UNC5B: variants seen among roughly 807,000 people sequenced by gnomAD.
UNC5B encodes the protein netrin receptor UNC5B.
A neutral mutation model predicts 103.7 loss-of-function variants in UNC5B; 56 were observed. That is an observed-to-expected ratio of 0.54 (90% CI 0.44 to 0.67). UNC5B has a LOEUF of 0.67. Ranked by LOEUF, UNC5B falls within the 30% of genes least tolerant of loss-of-function variation. The pLI, the probability that UNC5B is intolerant of heterozygous loss-of-function variation, is 0.00. For synonymous variants in UNC5B, 577 were observed against 542.0 expected (o/e 1.06, Z -0.90); for missense variants, 1,194 against 1,284.5 (o/e 0.93, Z 1.08).
intron 14 of UNC5B, 125 bp downstream of exon 14, chr10:71,296,085 GTC>G: frequency 7.3e-7 from 1 of 1,375,142 alleles, no homozygotes; most frequent in Non-Finnish European, 9.8e-7. Flanking sequence ...ATCTCTCACT[GTC>G]TCTGTCTCCT....
chr10:71,256,282 T>C (rs968512117), intron 1 of UNC5B, among the ~76,000 whole-genome samples: 1 of 152,118 alleles, frequency 6.6e-6, no homozygotes, highest in Non-Finnish European at 1.5e-5. Context: ...CTCCCAGCCC[T>C]GGCCCCAGCT....
chr10:71,293,555 C>T lies in UNC5B; in HGVS notation c.1923C>T (p.Ala641=). ...GGATCTTTCAGCTCAAGACCCAGGC[C>T]CACCAGGGCCACTGGGAGGTGAGGA... is the stretch of plus-strand genomic sequence containing the variant. ...RDWIFQLKTQ[A]HQGHWEEVVT... is the part of the protein sequence containing the mutation. The change falls in exon 12 of 17, where the codon GCC becomes GCT. Residue 641 remains alanine (A), a synonymous_variant. Transcript: ENST00000335350. 1 of 1,613,858 alleles carries T rather than the reference C, an allele frequency of 6.2e-7. No individual in the cohort carries two copies. The highest frequency in any genetic ancestry group is 8.5e-7 in the Non-Finnish European group (1 of 1,180,012).
At chr10:71,293,326 C>T (rs528320518) in intron 11 of UNC5B, 79 bp from the exon 12 acceptor site, 245 of 1,496,600 alleles carry the variant, frequency 1.6e-4, no homozygotes, top group Non-Finnish European at 2.1e-4. Flanking sequence ...GGGCCCTGGG[C>T]AGACTTGGGA....
At chr10:71,245,119 T>A (rs940763180) in intron 1 of UNC5B, among the ~76,000 whole-genome samples, 7 of 152,188 alleles carry the variant, frequency 4.6e-5, no homozygotes, top group African/African-American at 1.7e-4. Flanking sequence ...TCTGACCTCC[T>A]CTCCCCCAAC....
intron 15 of UNC5B, 139 bp from the exon 16 acceptor site, chr10:71,297,770 C>T (rs1845479273): frequency 6.2e-6 from 6 of 974,800 alleles, no homozygotes; most frequent in Admixed American, 2.8e-5. Flanking sequence ...GGGAGAAGCC[C>T]CTGCCTGAAC....
intron 1 of UNC5B, among the ~76,000 whole-genome samples, chr10:71,266,206 C>T (rs1368623629): frequency 6.6e-6 from 1 of 152,060 alleles, no homozygotes; most frequent in Non-Finnish European, 1.5e-5. Flanking sequence ...GAACCAGGCT[C>T]AGAGGCAGGG....
rs1344577915 is a variant in UNC5B at position 71,287,633 on chromosome 10, C to A, written c.769C>A (p.Pro257Thr). 3 of 1,611,158 alleles carry A rather than the reference C, an allele frequency of 1.9e-6. No individual in the cohort carries two copies. Among genetic ancestry groups the A allele is most frequent in the African/African-American group, 1.3e-5 (1 of 74,926 alleles). ...GGWSSWAEWS[P>T]CSNRCGRGWQ... ...CTGGTCCAGCTGGGCAGAGTGGTCA[C>A]CCTGCTCCAACCGCTGTGGCCGAGG... is the stretch of plus-strand genomic sequence containing the variant. The change falls in exon 6 of 17, where the codon CCC (proline) becomes ACC (threonine). Residue 257 changes from proline to threonine, a missense_variant. Coordinates refer to ENST00000335350, the MANE Select transcript of UNC5B (RefSeq NM_170744.5).
chr10:71,290,602 A>G (rs1321119913), intron 8 of UNC5B, among the ~76,000 whole-genome samples: 1 of 152,234 alleles, frequency 6.6e-6, no homozygotes, highest in Non-Finnish European at 1.5e-5. Flanking sequence ...ATGTAGCCCC[A>G]GTGACTCTGA....
rs551142023 is a variant in UNC5B at position 71,293,859 on chromosome 10, G to A, written c.2101G>A (p.Ala701Thr). 186 of 1,608,924 alleles carry A rather than the reference G, an allele frequency of 1.2e-4. No individual in the cohort carries two copies. In the South Asian group the frequency reaches 1.2e-3, roughly 10 times the overall value. The part of the protein sequence containing the change: ...AVKRLQLAVF[A>T]PALCTSLEYS... Reference sequence around the variant, plus strand: ...CAAGCGGCTCCAGCTGGCCGTCTTCGCCCCCGCCCTCTGCACCTCCCTGGA... The same window carrying A: ...CAAGCGGCTCCAGCTGGCCGTCTTCACCCCCGCCCTCTGCACCTCCCTGGA... The change falls in exon 13 of 17, where the codon GCC becomes ACC. Residue 701 changes from alanine (A) to threonine (T), a missense_variant. Physicochemically the swap from Ala to Thr is moderately conservative, Grantham distance 58. Coordinates refer to ENST00000335350, the MANE Select transcript of UNC5B (RefSeq NM_170744.5).
At chr10:71,261,399 T>G (rs1310168611) in intron 1 of UNC5B, among the ~76,000 whole-genome samples, 1 of 152,152 alleles carries the variant, frequency 6.6e-6, no homozygotes, top group Non-Finnish European at 1.5e-5. Flanking sequence ...TAGACTAGAT[T>G]GACTCTATAG....
chr10:71,216,822 G>A (rs752040185), intron 1 of UNC5B, among the ~76,000 whole-genome samples: 1 of 152,164 alleles, frequency 6.6e-6, no homozygotes, highest in Non-Finnish European at 1.5e-5. Flanking sequence ...GGGCTGGGGG[G>A]AGATGGATCA....
In UNC5B at chr10:71,301,817, C is replaced by T. The variant is rs1225981007; in HGVS notation, c.*2540C>T. 1 of 152,220 alleles carries T rather than the reference C, an allele frequency of 6.6e-6. No homozygotes were observed. The highest frequency in any genetic ancestry group is 2.4e-5 in the African/African-American group (1 of 41,446). 9.4% of individuals were successfully genotyped at this position (152,220 alleles called of 1,614,324 possible). A position where few individuals can be genotyped will look rare whatever the true frequency, so the allele number is the denominator to read the frequency against. ...TCTGCGGTCTGAGGCTCTTTGGGTTCAGACACACTGTTCTAGGCTTCTGTA... is the reference window on the plus strand; with the variant it reads ...TCTGCGGTCTGAGGCTCTTTGGGTTTAGACACACTGTTCTAGGCTTCTGTA... On this transcript the variant is annotated 3_prime_UTR_variant, in exon 17 of 17. Transcript: ENST00000335350.
intron 2 of UNC5B, 104 bp from the exon 3 acceptor site, chr10:71,284,615 TG>T (rs1475058210): frequency 1.3e-6 from 2 of 1,525,414 alleles, no homozygotes; most frequent in East Asian, 4.6e-5. Flanking sequence ...GAAAGGCACT[TG>T]GGCAAGAGTG....
intron 13 of UNC5B, among the ~76,000 whole-genome samples, chr10:71,294,143 A>G (rs1323292210): frequency 2.0e-5 from 3 of 152,176 alleles, no homozygotes; most frequent in Admixed American, 2.0e-4. Context: ...GAGGCAGACC[A>G]GGGATCCCTG....
At chr10:71,262,712 A>G (rs993505032) in intron 1 of UNC5B, among the ~76,000 whole-genome samples, 1 of 152,216 alleles carries the variant, frequency 6.6e-6, no homozygotes. Flanking sequence ...AATGGCCACC[A>G]TCATGAGCCT....
intron 1 of UNC5B, among the ~76,000 whole-genome samples, chr10:71,259,860 C>T (rs1011879273): frequency 1.5e-4 from 23 of 152,180 alleles, no homozygotes; most frequent in African/African-American, 5.6e-4. Context: ...TGTATTCTGC[C>T]CACCTCCTGA....
chr10:71,227,109 C>T (rs191433373), intron 1 of UNC5B, among the ~76,000 whole-genome samples: 103 of 152,070 alleles, frequency 6.8e-4, no homozygotes, highest in African/African-American at 2.0e-3. Context: ...CTCAGCCTCC[C>T]GAGTAGCTGG....
At chr10:71,263,000 G>A (rs1248723170) in intron 1 of UNC5B, among the ~76,000 whole-genome samples, 2 of 152,198 alleles carry the variant, frequency 1.3e-5, no homozygotes, top group Non-Finnish European at 2.9e-5. Context: ...GGTTTAGGTG[G>A]GAGTGGTGCA....
chr10:71,275,562 C>T (rs1435052738), intron 1 of UNC5B, among the ~76,000 whole-genome samples: 1 of 152,162 alleles, frequency 6.6e-6, no homozygotes. Context: ...CAGCAGAGCT[C>T]GGAAGACAGA....
Sources: gnomAD v4.1 joint callset for allele counts (sites outside exome capture counted in the v4.1 genomes callset) on GRCh38, gnomAD v4.1.1 for gene constraint, MANE v1.5 for transcripts, NCBI Gene and HGNC (gene_info 2026-07-23, HGNC 2026-07-21) for gene names.